Variants in OTOS observed in about 807,000 individuals in gnomAD.
OTOS encodes otospiralin.
Under a neutral mutation model 12.5 loss-of-function variants are expected in OTOS, and 14 were observed. That is an observed-to-expected ratio of 1.12 (90% CI 0.74 to 1.76). The LOEUF is 1.76. Among genes scored for constraint, OTOS ranks in the 40% most tolerant of loss-of-function variants. The pLI is 0.00. For missense variants in OTOS, 141 were observed against 112.8 expected (o/e 1.25, Z -1.13); for synonymous variants, 49 against 47.6 (o/e 1.03, Z -0.12).
chr2:240,139,034 C>T lies in OTOS; in HGVS notation c.*136G>A. ...ACAACCCACAACGCTGGTTGTGCATCTTCAGTCCGGAGTTTATTGAGCGTG... is the reference window on the plus strand; with the variant it reads ...ACAACCCACAACGCTGGTTGTGCATTTTCAGTCCGGAGTTTATTGAGCGTG... On this transcript the variant is annotated 3_prime_UTR_variant, in exon 4 of 4. Transcript: ENST00000319460. 1 of 865,810 alleles carries T rather than the reference C, an allele frequency of 1.2e-6. No homozygotes were observed. The highest frequency in any genetic ancestry group is 1.7e-6 in the Non-Finnish European group (1 of 584,834). The allele number at this position is 865,810 out of a possible 1,614,324, so 53.6% of individuals were successfully genotyped here.
At chr2:240,140,207 G>C in intron 2 of OTOS, 62 bp downstream of exon 2, 1 of 1,585,202 alleles carries the variant, frequency 6.3e-7, no homozygotes, top group Admixed American at 1.8e-5. Flanking sequence ...ATGCGGGAGG[G>C]GAGAGAACAG....
intron 2 of OTOS, 86 bp from the exon 3 acceptor site, chr2:240,140,174 G>A (rs10190781): frequency 0.026 from 41,942 of 1,597,866 alleles, 2,088 homozygotes; most frequent in African/African-American, 0.21. Flanking sequence ...GGGCTCTAAG[G>A]TTTCCTAGCA....
In OTOS at chr2:240,139,204, G is replaced by C. The variant is rs193100067; in HGVS notation, c.236C>G (p.Thr79Arg). The change falls in exon 4 of 4, where the codon ACG becomes AGG. Residue 79 changes from threonine to arginine, a missense_variant. Coordinates refer to ENST00000319460, the MANE Select transcript of OTOS (RefSeq NM_148961.4). ...TFFAHFPLGSTLGFHVPYQED is the reference protein window; with the variant it reads ...TFFAHFPLGSRLGFHVPYQED ...CTGATAGGGAACGTGGAAGCCCAGCGTGCTCCCCAGGGGGAAGTGGGCAAA... is the reference window on the plus strand; with the variant it reads ...CTGATAGGGAACGTGGAAGCCCAGCCTGCTCCCCAGGGGGAAGTGGGCAAA... 6.2e-7 allele frequency: 1 copy of C among 1,614,012 alleles called. No individual in the cohort carries two copies. The highest frequency in any genetic ancestry group is 1.7e-5 in the Admixed American group (1 of 60,024).
rs756958182 is a variant in OTOS, at chr2:240,140,272, C to T, written c.55G>A (p.Ala19Thr). ...TCCCTCCAGAGCGGCCCCTCACCTG[C>T]AAGAGGCCCCAGTAGGAGGCAGAGG... ...LALCLLLGPL[A>T]GAKPVQEEGD... Residue 19 changes from alanine to threonine, a missense_variant, in exon 2 of 4, where the codon GCA becomes ACA. Coordinates refer to ENST00000319460, the MANE Select transcript of OTOS (RefSeq NM_148961.4). 1.9e-6 allele frequency: 3 copies of T among 1,594,322 alleles called. No homozygotes were observed. Among genetic ancestry groups the T allele is most frequent in the Non-Finnish European group, 2.6e-6 (3 of 1,170,276 alleles).
rs755941255 is a variant in OTOS at position 240,140,378 on chromosome 2, C to T, written c.-52G>A. On this transcript the variant is annotated 5_prime_UTR_variant, in exon 2 of 4. Transcript: ENST00000319460. ...TCAGGCCCACCTGCAGCAGGATGAA[C>T]CCAGGAAGGGCGAGACCACCCATCC... 1.3e-6 allele frequency: 2 copies of T among 1,519,966 alleles called. No individual in the cohort carries two copies. Among genetic ancestry groups the T allele is most frequent in the Non-Finnish European group, 1.8e-6 (2 of 1,127,274 alleles). 94.2% of individuals were successfully genotyped at this position (1,519,966 alleles called of 1,614,324 possible).
chr2:240,139,217 G>A lies in OTOS; in HGVS notation c.223C>T (p.Pro75Ser), dbSNP rs552751808. ...DMARTFFAHF[P>S]LGSTLGFHVP... ...TGGAAGCCCAGCGTGCTCCCCAGGG[G>A]GAAGTGGGCAAAGAAGGTTCGGGCC... The change falls in exon 4 of 4, where the codon CCC (proline) becomes TCC (serine). Residue 75 changes from proline to serine, a missense_variant. By Grantham distance (74) the Pro-to-Ser change is moderately conservative. Transcript: ENST00000319460. 3 of 1,614,116 alleles carry A rather than the reference G, an allele frequency of 1.9e-6. No homozygotes were observed. Among genetic ancestry groups the A allele is most frequent in the South Asian group, 2.2e-5 (2 of 91,084 alleles).
intron 3 of OTOS, 107 bp downstream of exon 3, chr2:240,139,955 C>T (rs960857355): frequency 1.5e-6 from 2 of 1,341,298 alleles, no homozygotes. Context: ...GCCAGGGCCC[C>T]TGATGCGTCT....
Position 240,139,079 on chromosome 2 carries a change from C to T in OTOS, c.*91G>A, listed in dbSNP as rs1319442070. The T allele has an allele frequency of 2.9e-6, 4 of 1,399,240 alleles. No homozygotes were observed. The highest frequency in any genetic ancestry group is 1.4e-5 in the African/African-American group (1 of 69,734). The allele number at this position is 1,399,240 out of a possible 1,614,324, so 86.7% of individuals were successfully genotyped here. The stretch of plus-strand genomic sequence containing the variant: ...AGCGTGAGACCAGGCCTGACTCCTG[C>T]AGGGGCCAGGTTTTTGCGGGGACTC... On this transcript the variant is annotated 3_prime_UTR_variant, in exon 4 of 4. Coordinates refer to ENST00000319460, the MANE Select transcript of OTOS (RefSeq NM_148961.4).
In OTOS at chr2:240,140,057, G is replaced by A. The variant is rs201615141; in HGVS notation, c.85+5C>T. On this transcript the variant is annotated splice_donor_5th_base_variant and intron_variant, in intron 3 of 3. Coordinates refer to ENST00000319460, the MANE Select transcript of OTOS (RefSeq NM_148961.4). ...AATGAAAGGAAAGAAATTGGAGAAC[G>A]GTACCTCCTTCCTCCTGCACAGGCT... 9.2e-5 allele frequency: 149 copies of A among 1,613,038 alleles called. No homozygotes were observed. The highest frequency in any genetic ancestry group is 2.8e-4 in the Admixed American group (17 of 59,780).
chr2:240,140,132 G>A, intron 2 of OTOS, 44 bp from the exon 3 acceptor site: 1 of 1,610,676 alleles, frequency 6.2e-7, no homozygotes, highest in Non-Finnish European at 8.5e-7. Context: ...GACCACCCAG[G>A]TGCCGGTTGG....
Position 240,139,302 on chromosome 2 carries a change from G to A in OTOS, c.138C>T (p.Asp46=). 1 of 1,614,198 alleles carries A rather than the reference G, an allele frequency of 6.2e-7. No homozygotes were observed. Among genetic ancestry groups the A allele is most frequent in the Middle Eastern group, 1.7e-4 (1 of 6,060 alleles). The part of the protein sequence containing the change: ...AMPYWPFSTS[D]FWNYVQHFQA... Reference sequence around the variant, plus strand: ...GGAAGTGCTGCACATAGTTCCAGAAGTCAGAGGTGGAGAAAGGCCAGTAGG... The same window carrying A: ...GGAAGTGCTGCACATAGTTCCAGAAATCAGAGGTGGAGAAAGGCCAGTAGG... Residue 46 remains aspartate, a synonymous_variant, in exon 4 of 4, where the codon GAC becomes GAT. Coordinates refer to ENST00000319460, the MANE Select transcript of OTOS (RefSeq NM_148961.4).
At chr2:240,140,034 T>G in intron 3 of OTOS, 28 bp downstream of exon 3, 1 of 1,611,588 alleles carries the variant, frequency 6.2e-7, no homozygotes, top group South Asian at 1.1e-5. Context: ...CTTATGCAAA[T>G]GAAAGGAAAG....
In OTOS at chr2:240,139,091, T is replaced by G. The variant is rs74002277; in HGVS notation, c.*79A>C. 71,955 of 1,490,752 alleles carry G rather than the reference T, an allele frequency of 0.048. 2,976 individuals carry two copies. The highest frequency in any genetic ancestry group is 0.16 in the Admixed American group (7,907 of 50,908). 92.3% of individuals were successfully genotyped at this position (1,490,752 alleles called of 1,614,324 possible). On this transcript the variant is annotated 3_prime_UTR_variant, in exon 4 of 4. Transcript: ENST00000319460. Reference sequence around the variant, plus strand: ...GGCCTGACTCCTGCAGGGGCCAGGTTTTTGCGGGGACTCCATGCCTGTGGA... The same window carrying G: ...GGCCTGACTCCTGCAGGGGCCAGGTGTTTGCGGGGACTCCATGCCTGTGGA...
rs1158644419 is a variant in OTOS at position 240,139,354 on chromosome 2, T to G, written c.86A>C (p.Asp29Ala). The change falls in exon 4 of 4, where the codon GAC becomes GCC. Residue 29 changes from aspartate (D) to alanine (A), a missense_variant and splice_region_variant. Physicochemically the swap from Asp to Ala is moderately radical, Grantham distance 126 (BLOSUM62 -2). Transcript: ENST00000319460. The part of the protein sequence containing the change: ...AGAKPVQEEG[D>A]PYAELPAMPY... The stretch of plus-strand genomic sequence containing the variant: ...CATGGCCGGCAGCTCCGCGTAAGGG[T>G]CTGAAAGACACAAGACACCTGCCTT... The G allele has an allele frequency of 1.9e-6, 3 of 1,610,344 alleles. No homozygotes were observed. Among genetic ancestry groups the G allele is most frequent in the Non-Finnish European group, 2.5e-6 (3 of 1,177,638 alleles).
Position 240,139,055 on chromosome 2 carries a change from G to T in OTOS, c.*115C>A. ...GCATCTTCAGTCCGGAGTTTATTGA[G>T]CGTGAGACCAGGCCTGACTCCTGCA... On this transcript the variant is annotated 3_prime_UTR_variant, in exon 4 of 4. Coordinates refer to ENST00000319460, the MANE Select transcript of OTOS (RefSeq NM_148961.4). 2 of 1,116,406 alleles carry T rather than the reference G, an allele frequency of 1.8e-6. No homozygotes were observed. Among genetic ancestry groups the T allele is most frequent in the Non-Finnish European group, 2.5e-6 (2 of 792,252 alleles). The allele number at this position is 1,116,406 out of a possible 1,614,324, so 69.2% of individuals were successfully genotyped here.
chr2:240,139,162 G>A lies in OTOS; in HGVS notation c.*8C>T. The A allele has an allele frequency of 1.4e-5, 23 of 1,610,870 alleles. No homozygotes were observed. Among genetic ancestry groups the A allele is most frequent in the Non-Finnish European group, 2.0e-5 (23 of 1,177,998 alleles). On this transcript the variant is annotated 3_prime_UTR_variant, in exon 4 of 4. Coordinates refer to ENST00000319460, the MANE Select transcript of OTOS (RefSeq NM_148961.4). ...GGCGGGGTGGGCGGGCACCAGGCTG[G>A]ACACCATTCAGTCCTCCTGATAGGG...
chr2:240,140,019 A>C, intron 3 of OTOS, 43 bp downstream of exon 3: 13 of 1,604,868 alleles, frequency 8.1e-6, no homozygotes, highest in Non-Finnish European at 1.1e-5. Flanking sequence ...GCTGCATACC[A>C]GTTACTTATG....
intron 2 of OTOS, 80 bp from the exon 3 acceptor site, chr2:240,140,168 T>C: frequency 6.2e-7 from 1 of 1,600,338 alleles, no homozygotes; most frequent in Non-Finnish European, 8.5e-7. Flanking sequence ...GCTGCAGGGC[T>C]CTAAGGTTTC....
intron 2 of OTOS, 25 bp from the exon 3 acceptor site, chr2:240,140,113 AC>A: frequency 6.2e-7 from 1 of 1,612,578 alleles, no homozygotes; most frequent in Non-Finnish European, 8.5e-7. Context: ...AAGAGCTGTC[AC>A]CCAGGAGGAC....
Sources: allele counts gnomAD v4.1 joint callset, GRCh38; gene constraint gnomAD v4.1.1; transcripts MANE v1.5; gene names NCBI Gene and HGNC (gene_info 2026-07-23, HGNC 2026-07-21).